TEC: variants seen among roughly 807,000 people sequenced by gnomAD.
TEC encodes the protein tyrosine-protein kinase Tec.
TEC carries 72 observed loss-of-function variants against 93.0 expected under a neutral mutation model. The ratio of observed to expected loss-of-function variants is 0.77; its 90% confidence interval spans 0.64 to 0.94. The LOEUF (loss-of-function observed/expected upper bound fraction) is 0.94. TEC is among the 40% of genes least tolerant of loss of function. TEC has a pLI of 0.00. For missense variants in TEC, 630 were observed against 757.9 expected (o/e 0.83, Z 1.98); for synonymous variants, 249 against 247.7 (o/e 1.01, Z -0.05).
chr4:48,189,906 C>T (rs1264296086), intron 2 of TEC, among the ~76,000 whole-genome samples: 1 of 152,104 alleles, frequency 6.6e-6, no homozygotes, highest in Non-Finnish European at 1.5e-5. Context: ...CTGTGGGAAA[C>T]TGACACTAGG....
intron 3 of TEC, among the ~76,000 whole-genome samples, chr4:48,172,451 T>G (rs1049822527): frequency 9.9e-5 from 15 of 151,984 alleles, no homozygotes; most frequent in Non-Finnish European, 2.2e-4. Flanking sequence ...TTTTTTTTCT[T>G]AGAGATGGGG....
At chr4:48,163,853 G>A in intron 7 of TEC, 86 bp from the exon 8 acceptor site, 1 of 682,332 alleles carries the variant, frequency 1.5e-6, no homozygotes, top group Non-Finnish European at 2.3e-6. Flanking sequence ...TTGAAATAAA[G>A]CATGACATTG....
intron 2 of TEC, among the ~76,000 whole-genome samples, chr4:48,223,363 A>AT (rs917126050): frequency 2.9e-4 from 44 of 151,500 alleles, no homozygotes; most frequent in Non-Finnish European, 3.1e-4. Context: ...AGATGTTTAG[A>AT]TTTTTTTTTC....
chr4:48,212,700 A>G (rs1298244102), intron 2 of TEC, among the ~76,000 whole-genome samples: 2 of 152,074 alleles, frequency 1.3e-5, no homozygotes, highest in East Asian at 1.9e-4. Context: ...TGGAAACCCA[A>G]TGTCCAGTGA....
At chr4:48,246,832 C>A (rs975426801) in intron 1 of TEC, among the ~76,000 whole-genome samples, 5 of 152,024 alleles carry the variant, frequency 3.3e-5, no homozygotes, top group East Asian at 1.9e-4. Context: ...ATTTTCATGA[C>A]CTTAGATTAA....
intron 1 of TEC, among the ~76,000 whole-genome samples, chr4:48,244,921 TA>T (rs1363449221): frequency 6.6e-6 from 1 of 152,184 alleles, no homozygotes; most frequent in Non-Finnish European, 1.5e-5. Flanking sequence ...AGAGGTGAAA[TA>T]ATTAAAGCCC....
chr4:48,209,906 A>G (rs2136504), intron 2 of TEC, among the ~76,000 whole-genome samples: 13,588 of 152,210 alleles, frequency 0.089, 745 homozygotes, highest in East Asian at 0.22. Flanking sequence ...GAAATGTTTG[A>G]GAGTATTTCA....
At chr4:48,213,107 C>G (rs893684709) in intron 2 of TEC, among the ~76,000 whole-genome samples, 2 of 152,056 alleles carry the variant, frequency 1.3e-5, no homozygotes, top group African/African-American at 2.4e-5. Context: ...CTTTCGTAGT[C>G]GCAAATAAAA....
chr4:48,140,918 T>C (rs1719630669), intron 15 of TEC, among the ~76,000 whole-genome samples: 3 of 152,144 alleles, frequency 2.0e-5, no homozygotes, highest in South Asian at 2.1e-4. Flanking sequence ...CAGCTTATCA[T>C]TATGCCTGGC....
At chr4:48,163,928 C>T (rs1720776193) in intron 7 of TEC, among the ~76,000 whole-genome samples, 161 bp from the exon 8 acceptor site, 2 of 152,198 alleles carry the variant, frequency 1.3e-5, no homozygotes, top group African/African-American at 2.4e-5. Flanking sequence ...ATTCACTTGA[C>T]ATTTTACAAA....
In TEC at chr4:48,168,021, A is replaced by C. The variant is rs115052440; in HGVS notation, c.496-68T>G. On this transcript the variant is annotated intron_variant, in intron 6 of 17. Coordinates refer to ENST00000381501, the MANE Select transcript of TEC (RefSeq NM_003215.3). ...GAAACTGATCATGAATCAAAACACTAAATGAGTCATACATCACCACAGAAT... is the reference window on the plus strand; with the variant it reads ...GAAACTGATCATGAATCAAAACACTCAATGAGTCATACATCACCACAGAAT... The C allele has an allele frequency of 8.9e-4, 1,259 of 1,418,978 alleles. 4 individuals are homozygous for C. The African/African-American group carries it at 0.015, about 17-fold the overall frequency. 87.9% of individuals were successfully genotyped at this position (1,418,978 alleles called of 1,614,324 possible).
chr4:48,237,941 G>C (rs2109652367), intron 1 of TEC, among the ~76,000 whole-genome samples: 1 of 152,280 alleles, frequency 6.6e-6, no homozygotes, highest in South Asian at 2.1e-4. Flanking sequence ...AAATGCTGTG[G>C]TGCCTGTCAA....
At chr4:48,248,737 C>T (rs1218471209) in intron 1 of TEC, among the ~76,000 whole-genome samples, 1 of 152,162 alleles carries the variant, frequency 6.6e-6, no homozygotes, top group Admixed American at 6.6e-5. Context: ...CTCAGGCAGA[C>T]AAAGAGAGCA....
At chr4:48,233,470 C>T (rs773827750) in intron 1 of TEC, among the ~76,000 whole-genome samples, 1 of 151,486 alleles carries the variant, frequency 6.6e-6, no homozygotes, top group African/African-American at 2.4e-5. Context: ...CACATGACCA[C>T]GCCCAGCTCA....
intron 7 of TEC, among the ~76,000 whole-genome samples, chr4:48,166,391 A>G (rs1577715105): frequency 6.6e-6 from 1 of 152,344 alleles, no homozygotes; most frequent in East Asian, 1.9e-4. Flanking sequence ...CTAAATACTT[A>G]GATATATGTT....
chr4:48,158,843 TC>T (rs1439485968), intron 8 of TEC, among the ~76,000 whole-genome samples: 1 of 152,106 alleles, frequency 6.6e-6, no homozygotes, highest in Admixed American at 6.5e-5. Context: ...CTCTTGAAAA[TC>T]CTGTTCTGAG....
In TEC at chr4:48,217,331, T is replaced by C. The variant is rs190246812; in HGVS notation, c.138+11146A>G. ...GTTGGCTAGGCTGGTCTCGAACTCC[T>C]GACCTCATGATCCGCCCAACTCGGC... On this transcript the variant is annotated intron_variant, in intron 2 of 17. Transcript: ENST00000381501. 6.8e-3 allele frequency among the ~76,000 whole-genome samples: 1,033 copies of C among 152,286 alleles called. 5 individuals carry two copies. The highest frequency in any genetic ancestry group is 0.024 in the African/African-American group (994 of 41,550).
At chr4:48,170,135 T>C (rs1186235960) in intron 5 of TEC, 113 bp downstream of exon 5, 1 of 812,444 alleles carries the variant, frequency 1.2e-6, no homozygotes, top group African/African-American at 1.7e-5. Flanking sequence ...CCCTACATTT[T>C]CACTGTACTA....
intron 15 of TEC, among the ~76,000 whole-genome samples, chr4:48,139,853 C>T (rs1006033068): frequency 1.3e-5 from 2 of 152,342 alleles, no homozygotes; most frequent in South Asian, 4.1e-4. Flanking sequence ...ACATCCTTTG[C>T]TATGTAGACA....
Sources: gnomAD v4.1 joint callset for allele counts (sites outside exome capture counted in the v4.1 genomes callset) on GRCh38, gnomAD v4.1.1 for gene constraint, MANE v1.5 for transcripts, NCBI Gene and HGNC (gene_info 2026-07-23, HGNC 2026-07-21) for gene names.